HHAT: variants seen among roughly 807,000 people sequenced by gnomAD.
HHAT encodes the protein protein-cysteine N-palmitoyltransferase HHAT.
In HHAT, 47 loss-of-function variants were observed where a neutral mutation model predicts 70.8. The ratio of observed to expected loss-of-function variants is 0.66; its 90% CI spans 0.53 to 0.85. The LOEUF is 0.85. Ranked by LOEUF, HHAT falls within the 40% of genes least tolerant of loss-of-function variation. HHAT has a pLI of 0.00. For synonymous variants in HHAT, 228 were observed against 247.6 expected, an observed-to-expected ratio of 0.92 and a Z score of 0.74; for missense variants, 609 against 604.8, an observed-to-expected ratio of 1.01 and a Z score of -0.07.
chr1:210,347,749 C>T (rs1251663989), intron 1 of HHAT, among the ~76,000 whole-genome samples: 1 of 152,076 alleles, frequency 6.6e-6, no homozygotes, highest in Non-Finnish European at 1.5e-5. Context: ...CACTTTGGGG[C>T]TTGGGGGTGG....
intron 7 of HHAT, among the ~76,000 whole-genome samples, chr1:210,451,532 A>G (rs536422447): frequency 4.9e-4 from 75 of 152,290 alleles, no homozygotes; most frequent in African/African-American, 1.3e-3. Context: ...GGTAATTTCT[A>G]TTTTTCCAAG....
chr1:210,346,705 G>A (rs2147962051), intron 1 of HHAT, among the ~76,000 whole-genome samples: 1 of 152,326 alleles, frequency 6.6e-6, no homozygotes, highest in South Asian at 2.1e-4. Flanking sequence ...CAAGGCTGAA[G>A]TTTATTTCCC....
intron 8 of HHAT, among the ~76,000 whole-genome samples, chr1:210,468,831 A>G (rs2094151037): frequency 6.6e-6 from 1 of 152,126 alleles, no homozygotes. Flanking sequence ...AAAGAAGAAA[A>G]GGTCAAATAG....
chr1:210,476,512 C>A (rs1262736161), intron 8 of HHAT, among the ~76,000 whole-genome samples: 1 of 152,184 alleles, frequency 6.6e-6, no homozygotes, highest in Non-Finnish European at 1.5e-5. Context: ...GGCAATAGTG[C>A]AGAACAAGTC....
intron 7 of HHAT, among the ~76,000 whole-genome samples, chr1:210,443,463 C>T (rs920052699): frequency 8.8e-5 from 13 of 147,294 alleles, no homozygotes; most frequent in Admixed American, 6.3e-4. Context: ...GATATGGATT[C>T]TTCCTACCCA....
chr1:210,439,582 T>TA (rs2093458286), intron 7 of HHAT: 1 of 151,980 alleles, frequency 6.6e-6, no homozygotes, highest in African/African-American at 2.4e-5. Context: ...TTTGCTAATG[T>TA]AAAGTAGAAA....
At chr1:210,403,668 A>C (rs562946938) in intron 5 of HHAT, among the ~76,000 whole-genome samples, 60 of 152,340 alleles carry the variant, frequency 3.9e-4, no homozygotes, top group African/African-American at 1.4e-3. Flanking sequence ...CTTTGACCCA[A>C]GTTCTATTTC....
At chr1:210,408,425 C>T (rs530486448) in intron 6 of HHAT, among the ~76,000 whole-genome samples, 5 of 152,252 alleles carry the variant, frequency 3.3e-5, no homozygotes, top group South Asian at 2.1e-4. Context: ...TCAGGTGATC[C>T]GCCCGCCTCG....
At chr1:210,624,535 A>G (rs1669473260) in intron 11 of HHAT, among the ~76,000 whole-genome samples, 1 of 152,138 alleles carries the variant, frequency 6.6e-6, no homozygotes, top group African/African-American at 2.4e-5. Context: ...TGTGTTTGCC[A>G]CAGCTCTTGG....
chr1:210,519,527 CTTT>C lies in HHAT; in HGVS notation c.1043+6355_1043+6357del, dbSNP rs35244381. 7.6e-4 allele frequency among the ~76,000 whole-genome samples: 97 copies of C among 127,462 alleles called. 1 individual carries two copies. Among genetic ancestry groups the C allele is most frequent in the African/African-American group, 2.0e-3 (69 of 35,336 alleles). The allele number at this position is 127,462 out of a possible 152,430, so 83.6% of individuals were successfully genotyped here. ...ACATCCTTGCCAACAATTTTCTTTG[CTTT>C]TTTTTTTTTTTTTTTGAGGCAGGGT... On this transcript the variant is annotated intron_variant, in intron 9 of 11. Transcript: ENST00000261458.
chr1:210,576,183 T>G (rs952848550), intron 9 of HHAT, among the ~76,000 whole-genome samples: 2 of 152,068 alleles, frequency 1.3e-5, no homozygotes, highest in African/African-American at 4.8e-5. Flanking sequence ...GTAAAGAACA[T>G]CCCTGAGAAA....
chr1:210,349,166 A>G, intron 2 of HHAT, 100 bp downstream of exon 2: 3 of 1,252,274 alleles, frequency 2.4e-6, no homozygotes, highest in Non-Finnish European at 3.3e-6. Context: ...CAATAGTGTC[A>G]AGATGATGTG....
At chr1:210,347,778 G>C (rs1291605417) in intron 1 of HHAT, among the ~76,000 whole-genome samples, 1 of 152,138 alleles carries the variant, frequency 6.6e-6, no homozygotes, top group Admixed American at 6.5e-5. Flanking sequence ...TTTGGGGACT[G>C]AGAGGCCTCT....
chr1:210,622,116 T>C (rs1263502069), intron 10 of HHAT, among the ~76,000 whole-genome samples: 2 of 152,178 alleles, frequency 1.3e-5, no homozygotes, highest in Admixed American at 6.5e-5. Context: ...GTAAGCCTCT[T>C]GCTGAAGACT....
At chr1:210,410,024 C>G (rs1172170386) in intron 6 of HHAT, among the ~76,000 whole-genome samples, 1 of 151,554 alleles carries the variant, frequency 6.6e-6, no homozygotes, top group Non-Finnish European at 1.5e-5. Flanking sequence ...TCTGTCTGTT[C>G]TTCCTGCTGG....
chr1:210,523,932 G>A (rs570367681), intron 9 of HHAT, among the ~76,000 whole-genome samples: 116 of 152,346 alleles, frequency 7.6e-4, no homozygotes, highest in African/African-American at 2.7e-3. Context: ...GAGAAAACAA[G>A]TAAGCAGTGT....
At chr1:210,510,513 G>A (rs2094935717) in intron 8 of HHAT, among the ~76,000 whole-genome samples, 1 of 152,188 alleles carries the variant, frequency 6.6e-6, no homozygotes, top group South Asian at 2.1e-4. Context: ...CCCTGGAGCA[G>A]GGCAGCCATG....
intron 7 of HHAT, chr1:210,439,478 G>A (rs550709326): frequency 6.6e-6 from 1 of 151,858 alleles, no homozygotes; most frequent in African/African-American, 2.4e-5. Flanking sequence ...CTGACTTGCT[G>A]GTAAGTGTGC....
intron 8 of HHAT, among the ~76,000 whole-genome samples, chr1:210,484,188 T>C (rs1558609810): frequency 6.6e-6 from 1 of 152,226 alleles, no homozygotes; most frequent in Non-Finnish European, 1.5e-5. Flanking sequence ...AATGCCTGAC[T>C]GACATGTAGG....
Sources: allele counts gnomAD v4.1 joint callset (sites outside exome capture counted in the v4.1 genomes callset), GRCh38; gene constraint gnomAD v4.1.1; transcripts MANE v1.5; gene names NCBI Gene and HGNC (gene_info 2026-07-23, HGNC 2026-07-21).